Variants in VAT1L observed in about 807,000 individuals in gnomAD.
The protein encoded by VAT1L is vesicle amine transport 1 like.
Under a neutral mutation model 44.1 loss-of-function variants are expected in VAT1L, and 34 were observed. The observed-to-expected ratio is 0.77, with a 90% CI of 0.59 to 1.03. The LOEUF (loss-of-function observed/expected upper bound fraction) is 1.03. Ranked by LOEUF, VAT1L falls within the 50% of genes least tolerant of loss-of-function variation. VAT1L has a pLI of 0.00. For missense variants in VAT1L, 615 were observed against 538.8 expected, an observed-to-expected ratio of 1.14 and a Z score of -1.40; for synonymous variants, 253 against 202.2, an observed-to-expected ratio of 1.25 and a Z score of -2.13.
chr16:77,868,186 A>C (rs563175148), intron 4 of VAT1L, among the ~76,000 whole-genome samples: 8 of 152,334 alleles, frequency 5.3e-5, no homozygotes, highest in African/African-American at 1.9e-4. Context: ...AGTTGTATGC[A>C]GTCAGGTATA....
intron 7 of VAT1L, among the ~76,000 whole-genome samples, chr16:77,911,502 A>G (rs1049122448): frequency 6.6e-6 from 1 of 152,114 alleles, no homozygotes; most frequent in African/African-American, 2.4e-5. Flanking sequence ...CACCCTTGCT[A>G]TTCTACAAGG....
intron 7 of VAT1L, among the ~76,000 whole-genome samples, chr16:77,965,835 A>C (rs971132107): frequency 3.3e-5 from 5 of 152,148 alleles, no homozygotes; most frequent in Non-Finnish European, 7.3e-5. Context: ...TCATTCATTC[A>C]TTCATCCCAG....
At chr16:77,971,274 C>T (rs961502395) in intron 7 of VAT1L, among the ~76,000 whole-genome samples, 5 of 152,112 alleles carry the variant, frequency 3.3e-5, no homozygotes, top group African/African-American at 1.2e-4. Context: ...GGCAAGCCCC[C>T]AACATTTGAA....
intron 3 of VAT1L, among the ~76,000 whole-genome samples, chr16:77,861,077 C>T (rs1217957819): frequency 2.0e-5 from 3 of 152,176 alleles, no homozygotes; most frequent in Admixed American, 2.0e-4. Context: ...GATCTTCCAA[C>T]TCTGACATTC....
At chr16:77,826,624 C>G (rs2016526248) in intron 3 of VAT1L, among the ~76,000 whole-genome samples, 1 of 152,164 alleles carries the variant, frequency 6.6e-6, no homozygotes, top group African/African-American at 2.4e-5. Context: ...TTGTCTGTGT[C>G]TCATTGCCAG....
At chr16:77,869,223 A>G (rs995434261) in intron 4 of VAT1L, among the ~76,000 whole-genome samples, 1 of 152,198 alleles carries the variant, frequency 6.6e-6, no homozygotes, top group Non-Finnish European at 1.5e-5. Context: ...CTGCAAGATG[A>G]GACCAAGACG....
intron 2 of VAT1L, among the ~76,000 whole-genome samples, chr16:77,821,193 A>T (rs528708309): frequency 6.6e-6 from 1 of 152,228 alleles, no homozygotes; most frequent in African/African-American, 2.4e-5. Flanking sequence ...AGATCTCCCC[A>T]TTTAGAGAGG....
chr16:77,886,240 T>A (rs371865382), intron 7 of VAT1L, among the ~76,000 whole-genome samples: 94 of 152,342 alleles, frequency 6.2e-4, no homozygotes, highest in African/African-American at 2.1e-3. Flanking sequence ...TTTCTTTAAA[T>A]GTTTTTAATT....
intron 3 of VAT1L, among the ~76,000 whole-genome samples, chr16:77,850,410 C>G (rs2016797241): frequency 6.6e-6 from 1 of 152,128 alleles, no homozygotes; most frequent in Non-Finnish European, 1.5e-5. Context: ...GATCAGAATC[C>G]AAGTCCCACT....
intron 5 of VAT1L, 102 bp downstream of exon 5, chr16:77,876,575 G>C: frequency 2.0e-6 from 2 of 982,602 alleles, no homozygotes; most frequent in Non-Finnish European, 3.2e-6. Context: ...TGTTGGGGTA[G>C]TGGGATGGGG....
intron 3 of VAT1L, among the ~76,000 whole-genome samples, chr16:77,838,061 G>A (rs1439238386): frequency 6.6e-6 from 1 of 152,156 alleles, no homozygotes; most frequent in Non-Finnish European, 1.5e-5. Flanking sequence ...CTATGAACTG[G>A]TGAGATTGTC....
In VAT1L at chr16:77,862,808, T is replaced by C. The variant is rs140933136; in HGVS notation, c.640T>C (p.Ser214Pro). The C allele has an allele frequency of 2.8e-5, 46 of 1,614,046 alleles. No homozygotes were observed. The highest frequency in any genetic ancestry group is 3.8e-5 in the Non-Finnish European group (45 of 1,179,986). The change falls in exon 4 of 9, where the codon TCT (serine) becomes CCT (proline). Residue 214 changes from serine (S) to proline (P), a missense_variant. Ser to Pro is a moderately conservative substitution (Grantham distance 74). Transcript: ENST00000302536. ...VPNVTVFGTA[S>P]TFKHEAIKDS... ...CAACGTGACTGTCTTTGGAACAGCC[T>C]CTACTTTCAAGCATGAAGCAATCAA...
chr16:77,820,037 T>G (rs2016424540), intron 2 of VAT1L, among the ~76,000 whole-genome samples: 1 of 152,232 alleles, frequency 6.6e-6, no homozygotes, highest in African/African-American at 2.4e-5. Context: ...AAAGTTCAAC[T>G]AATATTTCCA....
rs140734823 is a variant in VAT1L, at chr16:77,918,616, C to G, written c.1077+33814C>G. ...GAGGGTGCGACCCATTTGGCTGATC[C>G]ATGCTGTAAGGAGGATGGAAAAATA... is the stretch of plus-strand genomic sequence containing the variant. On this transcript the variant is annotated intron_variant, in intron 7 of 8. Transcript: ENST00000302536. Among the ~76,000 whole-genome samples the G allele has an allele frequency of 5.5e-3, 837 of 152,260 alleles. 6 individuals carry two copies. Among genetic ancestry groups the G allele is most frequent in the Non-Finnish European group, 8.7e-3 (590 of 68,016 alleles).
intron 3 of VAT1L, among the ~76,000 whole-genome samples, chr16:77,832,854 A>C (rs2061931433): frequency 6.6e-6 from 1 of 152,222 alleles, no homozygotes; most frequent in South Asian, 2.1e-4. Context: ...TCTTATCATT[A>C]AGCCACAACA....
chr16:77,908,830 C>T (rs1434704359), intron 7 of VAT1L, among the ~76,000 whole-genome samples: 5 of 152,150 alleles, frequency 3.3e-5, no homozygotes, highest in East Asian at 3.9e-4. Flanking sequence ...AGGAGCACGG[C>T]GTGAACCCGG....
chr16:77,796,431 T>C (rs953399222), intron 1 of VAT1L, among the ~76,000 whole-genome samples: 2 of 152,212 alleles, frequency 1.3e-5, no homozygotes, highest in Admixed American at 1.3e-4. Flanking sequence ...CCATGTTTTC[T>C]AGGAGAGGAA....
intron 7 of VAT1L, among the ~76,000 whole-genome samples, chr16:77,932,268 T>C (rs985590053): frequency 9.2e-5 from 14 of 152,010 alleles, no homozygotes; most frequent in Admixed American, 2.6e-4. Flanking sequence ...CACAGCTGGC[T>C]AATTTTTTTG....
Position 77,860,924 on chromosome 16 carries a change from T to C in VAT1L, c.580-1824T>C, listed in dbSNP as rs891157141. 5.3e-5 allele frequency among the ~76,000 whole-genome samples: 8 copies of C among 152,210 alleles called. No homozygotes were observed. The South Asian group carries it at 1.7e-3, about 31-fold the overall frequency. On this transcript the variant is annotated intron_variant, in intron 3 of 8. Transcript: ENST00000302536. ...AAAATGTCAAAATAAGTAGACAGCATAACAATGGAAAGTGGTAATAAGTGG... is the reference window on the plus strand; with the variant it reads ...AAAATGTCAAAATAAGTAGACAGCACAACAATGGAAAGTGGTAATAAGTGG...
Sources: allele counts gnomAD v4.1 joint callset (sites outside exome capture counted in the v4.1 genomes callset), GRCh38; gene constraint gnomAD v4.1.1; transcripts MANE v1.5; gene names NCBI Gene and HGNC (gene_info 2026-07-23, HGNC 2026-07-21).